The following FSTL5 variants were observed in gnomAD, a reference collection of about 807,000 sequenced individuals.
The protein encoded by FSTL5 is follistatin-related protein 5.
A neutral mutation model predicts 89.1 loss-of-function variants in FSTL5; 62 were observed. The ratio of observed to expected loss-of-function variants is 0.70; its 90% CI spans 0.57 to 0.86. FSTL5 has a LOEUF of 0.86. FSTL5 is among the 40% of genes least tolerant of loss of function. The pLI is 0.00. For synonymous variants in FSTL5, 383 were observed against 346.2 expected (o/e 1.11, Z -1.18); for missense variants, 1,057 against 1,001.6 (o/e 1.06, Z -0.75).
chr4:162,162,809 C>T (rs1733746000), intron 1 of FSTL5, among the ~76,000 whole-genome samples: 1 of 152,168 alleles, frequency 6.6e-6, no homozygotes, highest in African/African-American at 2.4e-5. Context: ...TCTCAGCCCA[C>T]ACTTCCCAGT....
chr4:162,055,218 G>T (rs1578990943), intron 2 of FSTL5, among the ~76,000 whole-genome samples: 1 of 151,600 alleles, frequency 6.6e-6, no homozygotes, highest in East Asian at 1.9e-4. Flanking sequence ...AGTTTTGCCT[G>T]GTTGTGAGAT....
At chr4:161,654,408 A>T (rs1401569242) in intron 7 of FSTL5, among the ~76,000 whole-genome samples, 1 of 152,132 alleles carries the variant, frequency 6.6e-6, no homozygotes, top group Non-Finnish European at 1.5e-5. Flanking sequence ...ACAACCCATA[A>T]TGCAAATCCA....
At chr4:162,122,220 A>G (rs1731896746) in intron 1 of FSTL5, among the ~76,000 whole-genome samples, 2 of 152,136 alleles carry the variant, frequency 1.3e-5, no homozygotes, top group African/African-American at 4.8e-5. Context: ...TAGCAGCAAC[A>G]TACTATAGTA....
At chr4:161,427,032 G>T (rs1368798852) in intron 15 of FSTL5, among the ~76,000 whole-genome samples, 1 of 151,966 alleles carries the variant, frequency 6.6e-6, no homozygotes, top group East Asian at 1.9e-4. Flanking sequence ...TAATATGCAG[G>T]TATTATAAGT....
chr4:162,028,109 A>G (rs78246321), intron 3 of FSTL5, among the ~76,000 whole-genome samples: 14,697 of 152,174 alleles, frequency 0.097, 838 homozygotes, highest in Non-Finnish European at 0.13. Context: ...ATAAATCACG[A>G]ATCTCTTGAT....
chr4:161,419,148 T>G lies in FSTL5; in HGVS notation c.1842-32699A>C, dbSNP rs530639876. ...ATACTCCCTTAAAAGAAGGACAGAC[T>G]GAAGAACTTCAGTTGCTGTTTTTTA... On this transcript the variant is annotated intron_variant, in intron 15 of 15. Transcript: ENST00000306100. Among the ~76,000 whole-genome samples, 8 of 152,310 alleles carry G rather than the reference T, an allele frequency of 5.3e-5. No individual in the cohort carries two copies. The South Asian group carries it at 1.5e-3, about 28-fold the overall frequency.
At chr4:162,022,169 A>C (rs1361355268) in intron 3 of FSTL5, among the ~76,000 whole-genome samples, 1 of 152,110 alleles carries the variant, frequency 6.6e-6, no homozygotes, top group Non-Finnish European at 1.5e-5. Context: ...CTACACCAAA[A>C]GCCTAGATTT....
At chr4:161,996,331 T>A (rs1000759766) in intron 3 of FSTL5, among the ~76,000 whole-genome samples, 13 of 152,232 alleles carry the variant, frequency 8.5e-5, no homozygotes, top group Non-Finnish European at 1.5e-4. Flanking sequence ...CTTTTCTTTC[T>A]GGATTCTTCT....
At chr4:161,823,516 C>T (rs1166183814) in intron 4 of FSTL5, among the ~76,000 whole-genome samples, 1 of 152,190 alleles carries the variant, frequency 6.6e-6, no homozygotes, top group Non-Finnish European at 1.5e-5. Context: ...AGAGCAGGTG[C>T]TGGCAATGGG....
At chr4:161,741,844 C>T (rs946226172) in intron 6 of FSTL5, among the ~76,000 whole-genome samples, 2 of 151,840 alleles carry the variant, frequency 1.3e-5, no homozygotes, top group African/African-American at 2.4e-5. Flanking sequence ...CACACTGCCA[C>T]GCCAGGCTAA....
chr4:161,448,968 G>A (rs1160979836), intron 15 of FSTL5, among the ~76,000 whole-genome samples: 3 of 152,076 alleles, frequency 2.0e-5, no homozygotes, highest in African/African-American at 7.2e-5. Flanking sequence ...GGGAGGGTAG[G>A]CATGTTATAA....
chr4:161,486,234 C>T (rs1012082102), intron 12 of FSTL5, among the ~76,000 whole-genome samples: 1 of 149,714 alleles, frequency 6.7e-6, no homozygotes, highest in African/African-American at 2.5e-5. Context: ...TAAAAACAAA[C>T]TGTCGCTGGT....
At chr4:161,878,850 C>A (rs1409786856) in intron 4 of FSTL5, among the ~76,000 whole-genome samples, 1 of 152,016 alleles carries the variant, frequency 6.6e-6, no homozygotes, top group Non-Finnish European at 1.5e-5. Flanking sequence ...TATATAAAAT[C>A]ACAATTAATT....
At chr4:161,495,031 C>T (rs998793469) in intron 12 of FSTL5, 4 of 152,302 alleles carry the variant, frequency 2.6e-5, no homozygotes, top group Admixed American at 1.3e-4. Context: ...CACTGCACTC[C>T]AACCTGGGCG....
chr4:161,595,583 C>T lies in FSTL5; in HGVS notation c.895-8008G>A, dbSNP rs138606225. Among the ~76,000 whole-genome samples the T allele has an allele frequency of 2.9e-3, 438 of 151,934 alleles. 3 individuals are homozygous for T. The highest frequency in any genetic ancestry group is 0.014 in the Middle Eastern group (4 of 294). On this transcript the variant is annotated intron_variant, in intron 7 of 15. Transcript: ENST00000306100. ...CATCTGTAGCACATATGTAAAATTG[C>T]GAAAATTTTTCTGGCAACTACCTAT...
At chr4:161,853,348 A>G (rs1482117244) in intron 4 of FSTL5, among the ~76,000 whole-genome samples, 3 of 149,928 alleles carry the variant, frequency 2.0e-5, no homozygotes, top group Non-Finnish European at 4.5e-5. Flanking sequence ...GCTCACTGCA[A>G]CCTCCGCTTC....
At chr4:162,009,390 T>C (rs576167529) in intron 3 of FSTL5, among the ~76,000 whole-genome samples, 1 of 152,084 alleles carries the variant, frequency 6.6e-6, no homozygotes, top group Non-Finnish European at 1.5e-5. Flanking sequence ...TTACAGAGAA[T>C]CAGAACATGA....
At chr4:161,586,993 T>G in intron 8 of FSTL5, among the ~76,000 whole-genome samples, 1 of 152,170 alleles carries the variant, frequency 6.6e-6, no homozygotes, top group East Asian at 1.9e-4. Context: ...AAAGCTCTGA[T>G]TGTAGGAGTG....
chr4:162,050,959 T>A (rs965461918), intron 2 of FSTL5, among the ~76,000 whole-genome samples: 54 of 151,558 alleles, frequency 3.6e-4, no homozygotes, highest in African/African-American at 1.3e-3. Context: ...AAATAAAACC[T>A]AATGTAACAA....
Sources: gnomAD v4.1 joint callset for allele counts (sites outside exome capture counted in the v4.1 genomes callset) on GRCh38, gnomAD v4.1.1 for gene constraint, MANE v1.5 for transcripts, NCBI Gene and HGNC (gene_info 2026-07-23, HGNC 2026-07-21) for gene names.